HORMAD2: variants seen among roughly 807,000 people sequenced by gnomAD.
HORMAD2 encodes the protein HORMA domain containing 2.
HORMAD2 carries 45 observed loss-of-function variants against 38.8 expected under a neutral mutation model. The observed-to-expected ratio is 1.16, with a 90% CI of 0.91 to 1.49. The LOEUF (loss-of-function observed/expected upper bound fraction) is 1.49. Among genes scored for constraint, HORMAD2 ranks in the 40% most tolerant of loss-of-function variants. The pLI is 0.00. For synonymous variants in HORMAD2, 126 were observed against 122.8 expected, an observed-to-expected ratio of 1.03 and a Z score of -0.17; for missense variants, 338 against 367.0, an observed-to-expected ratio of 0.92 and a Z score of 0.65.
chr22:30,095,679 T>TA (rs1183029014), intron 2 of HORMAD2, among the ~76,000 whole-genome samples: 1 of 152,188 alleles, frequency 6.6e-6, no homozygotes, highest in Non-Finnish European at 1.5e-5. Flanking sequence ...GTAGTAAGAT[T>TA]AAATGCATAT....
At chr22:30,131,099 A>T (rs1036486446) in intron 10 of HORMAD2, among the ~76,000 whole-genome samples, 40 of 152,292 alleles carry the variant, frequency 2.6e-4, no homozygotes, top group African/African-American at 9.4e-4. Flanking sequence ...ACTGACCTAT[A>T]TGGTGCTAAT....
At chr22:30,097,722 T>C (rs1368355871) in intron 2 of HORMAD2, among the ~76,000 whole-genome samples, 1 of 152,158 alleles carries the variant, frequency 6.6e-6, no homozygotes, top group South Asian at 2.1e-4. Flanking sequence ...GAAATCCCAC[T>C]CTAAGGTACT....
intron 10 of HORMAD2, among the ~76,000 whole-genome samples, chr22:30,129,227 A>G: frequency 1.6e-5 from 1 of 62,572 alleles, no homozygotes; most frequent in Non-Finnish European, 2.7e-5. Context: ...CAAAAAAAAA[A>G]AAAAAAAAAA....
chr22:30,164,534 G>A (rs1317549181), intron 10 of HORMAD2, among the ~76,000 whole-genome samples: 3 of 152,142 alleles, frequency 2.0e-5, no homozygotes, highest in African/African-American at 7.2e-5. Context: ...GCTTTAATTT[G>A]CATCTCTGAT....
chr22:30,143,157 T>C (rs1196557259), intron 10 of HORMAD2, among the ~76,000 whole-genome samples: 1 of 152,180 alleles, frequency 6.6e-6, no homozygotes. Flanking sequence ...ATATGCATAT[T>C]ATTTTACACA....
At chr22:30,140,833 C>A (rs943419561) in intron 10 of HORMAD2, among the ~76,000 whole-genome samples, 3 of 152,096 alleles carry the variant, frequency 2.0e-5, no homozygotes, top group Non-Finnish European at 2.9e-5. Context: ...GTTTAGTTTG[C>A]ACTTTTTCCA....
At chr22:30,145,387 A>G (rs1214129096) in intron 10 of HORMAD2, among the ~76,000 whole-genome samples, 2 of 152,214 alleles carry the variant, frequency 1.3e-5, no homozygotes, top group African/African-American at 4.8e-5. Flanking sequence ...ATAAAGAACA[A>G]TTTTACTGCA....
At chr22:30,163,524 A>G (rs530640482) in intron 10 of HORMAD2, among the ~76,000 whole-genome samples, 2 of 152,132 alleles carry the variant, frequency 1.3e-5, no homozygotes, top group Non-Finnish European at 2.9e-5. Context: ...TCCTGGGCAC[A>G]AGCAATCTTC....
At chr22:30,086,681 C>T (rs1050810810) in intron 1 of HORMAD2, among the ~76,000 whole-genome samples, 15 of 152,072 alleles carry the variant, frequency 9.9e-5, no homozygotes, top group African/African-American at 3.6e-4. Context: ...ATACCAGTGA[C>T]AGGAAATTGG....
chr22:30,153,602 G>C (rs1415670982), intron 10 of HORMAD2, among the ~76,000 whole-genome samples: 1 of 152,134 alleles, frequency 6.6e-6, no homozygotes, highest in Admixed American at 6.5e-5. Context: ...CATTTTGCAA[G>C]AGAATTGTCT....
At chr22:30,113,502 T>C (rs1921816669) in intron 7 of HORMAD2, among the ~76,000 whole-genome samples, 1 of 152,172 alleles carries the variant, frequency 6.6e-6, no homozygotes, top group Non-Finnish European at 1.5e-5. Flanking sequence ...CCTCCCAAAG[T>C]GCTGGGATTA....
At chr22:30,206,954 C>T in the HORMAD2 span, 7 of 414,238 alleles carry the variant, frequency 1.7e-5, no homozygotes, top group Non-Finnish European at 3.1e-5. Context: ...CGGCAATTCC[C>T]CCACCCGCCC....
chr22:30,169,290 G>A (rs1159368692), intron 10 of HORMAD2, among the ~76,000 whole-genome samples: 1 of 152,172 alleles, frequency 6.6e-6, no homozygotes, highest in Non-Finnish European at 1.5e-5. Flanking sequence ...AGGACATGAA[G>A]TGTCTTGATC....
At chr22:30,137,702 C>G (rs1465639585) in intron 10 of HORMAD2, 1 of 157,366 alleles carries the variant, frequency 6.4e-6, no homozygotes, top group Non-Finnish European at 1.4e-5. Flanking sequence ...GCCAAAAGGG[C>G]AGCATCATGT....
Position 30,176,534 on chromosome 22 carries a change from A to G in HORMAD2, c.*367A>G, listed in dbSNP as rs954267999. The G allele has an allele frequency of 2.1e-5, 4 of 192,036 alleles. No homozygotes were observed. Among genetic ancestry groups the G allele is most frequent in the African/African-American group, 9.5e-5 (4 of 42,188 alleles). The allele number at this position is 192,036 out of a possible 1,614,324, so 11.9% of individuals were successfully genotyped here. ...ATTAAACTCTTCAGCTATTTAGACT[A>G]CTGTGAAATGTTTTGACTTGTTGTA... is the stretch of plus-strand genomic sequence containing the variant. On this transcript the variant is annotated 3_prime_UTR_variant, in exon 11 of 11. Coordinates refer to ENST00000336726, the MANE Select transcript of HORMAD2 (RefSeq NM_152510.4).
At chr22:30,099,114 C>A in intron 3 of HORMAD2, 121 bp downstream of exon 3, 1 of 746,794 alleles carries the variant, frequency 1.3e-6, no homozygotes, top group Non-Finnish European at 2.0e-6. Flanking sequence ...TCTTCAAGAC[C>A]AATTTGCTAA....
chr22:30,185,783 G>T, the HORMAD2 span, among the ~76,000 whole-genome samples: 2 of 151,896 alleles, frequency 1.3e-5, no homozygotes, highest in African/African-American at 2.4e-5. Context: ...GCAGGTACCT[G>T]GAAACTTGTC....
At chr22:30,165,737 C>T (rs1047900675) in intron 10 of HORMAD2, among the ~76,000 whole-genome samples, 1 of 152,042 alleles carries the variant, frequency 6.6e-6, no homozygotes, top group Admixed American at 6.5e-5. Flanking sequence ...ATTGGTACCA[C>T]CTGAATAGTC....
intron 10 of HORMAD2, among the ~76,000 whole-genome samples, chr22:30,170,725 C>T (rs890337134): frequency 1.3e-5 from 2 of 152,180 alleles, no homozygotes; most frequent in African/African-American, 4.8e-5. Context: ...CAATACCCAG[C>T]TCAATGTCTC....
Sources: allele counts gnomAD v4.1 joint callset (sites outside exome capture counted in the v4.1 genomes callset), GRCh38; gene constraint gnomAD v4.1.1; transcripts MANE v1.5; gene names NCBI Gene and HGNC (gene_info 2026-07-23, HGNC 2026-07-21).